The following RPS12 variants were observed in gnomAD, a reference collection of about 807,000 sequenced individuals.
RPS12 encodes the protein small ribosomal subunit protein eS12.
A neutral mutation model predicts 17.2 loss-of-function variants in RPS12; 1 was observed. The observed-to-expected ratio is 0.06, with a 90% CI of 0.02 to 0.28. RPS12 has a LOEUF of 0.28. Among genes scored for constraint, RPS12 ranks in the 10% least tolerant of loss-of-function variants. The pLI, the probability that RPS12 is intolerant of heterozygous loss-of-function variation, is 1.00. For missense variants in RPS12, 146 were observed against 162.1 expected (o/e 0.90, Z 0.54); for synonymous variants, 67 against 54.0 (o/e 1.24, Z -1.06).
Position 132,814,752 on chromosome 6 carries a change from A to C in RPS12, c.-17A>C, listed in dbSNP as rs549056528. 6 of 1,613,164 alleles carry C rather than the reference A, an allele frequency of 3.7e-6. No homozygotes were observed. The African/African-American group carries it at 8.0e-5, about 22-fold the overall frequency. On this transcript the variant is annotated 5_prime_UTR_variant, in exon 2 of 6. Coordinates refer to ENST00000230050, the MANE Select transcript of RPS12 (RefSeq NM_001016.4). ...TTTAGTGCGTTCAAGATTCAACTTC[A>C]CCCGTAACCCACCGCCATGGCCGAG...
chr6:132,814,755 C>A lies in RPS12; in HGVS notation c.-14C>A. ...AGTGCGTTCAAGATTCAACTTCACC[C>A]GTAACCCACCGCCATGGCCGAGGAA... On this transcript the variant is annotated 5_prime_UTR_variant, in exon 2 of 6. Coordinates refer to ENST00000230050, the MANE Select transcript of RPS12 (RefSeq NM_001016.4). 6.2e-7 allele frequency: 1 copy of A among 1,613,514 alleles called. No individual in the cohort carries two copies. Among genetic ancestry groups the A allele is most frequent in the Non-Finnish European group, 8.5e-7 (1 of 1,179,546 alleles).
At chr6:132,815,142 A>G in intron 3 of RPS12, 54 bp downstream of exon 3, 1 of 1,127,182 alleles carries the variant, frequency 8.9e-7, no homozygotes, top group South Asian at 1.2e-5. Flanking sequence ...CAAAACTGCC[A>G]CCCAAGGGAA....
intron 4 of RPS12, 28 bp downstream of exon 4, chr6:132,816,591 C>T (rs1223647026): frequency 2.1e-6 from 3 of 1,458,680 alleles, no homozygotes; most frequent in Admixed American, 1.7e-5. Context: ...TGTGTTGGGA[C>T]TAATGTTCAG....
intron 4 of RPS12, 78 bp from the exon 5 acceptor site, chr6:132,816,881 CT>C: frequency 1.0e-6 from 1 of 985,900 alleles, no homozygotes; most frequent in Non-Finnish European, 1.6e-6. Flanking sequence ...TTACAGCCAC[CT>C]TTTGGGTTTC....
At chr6:132,814,638 G>T (rs978765766) in intron 1 of RPS12, 25 bp downstream of exon 1, 7 of 1,079,512 alleles carry the variant, frequency 6.5e-6, no homozygotes, top group Admixed American at 3.4e-5. Context: ...GCGGCAGGGG[G>T]GTGTATTGGT....
Position 132,817,562 on chromosome 6 carries a change from A to G in RPS12, c.*20A>G. The G allele has an allele frequency of 6.3e-7, 1 of 1,599,718 alleles. No individual in the cohort carries two copies. The highest frequency in any genetic ancestry group is 1.3e-5 in the African/African-American group (1 of 74,698). On this transcript the variant is annotated 3_prime_UTR_variant, in exon 6 of 6. Coordinates refer to ENST00000230050, the MANE Select transcript of RPS12 (RefSeq NM_001016.4). ...AAATGAAGAAATAAATCTTTGGCTC[A>G]CATTCCTCATGTCTGGCTTTTTATT... is the stretch of plus-strand genomic sequence containing the variant.
rs1292384812 is a variant in RPS12 at position 132,816,144 on chromosome 6, T to G, written c.132-317T>G. 7 of 424,334 alleles carry G rather than the reference T, an allele frequency of 1.6e-5. No individual in the cohort carries two copies. The East Asian group carries it at 3.5e-4, about 21-fold the overall frequency. 26.3% of individuals were successfully genotyped at this position (424,334 alleles called of 1,614,324 possible). On this transcript the variant is annotated intron_variant, in intron 3 of 5. Transcript: ENST00000230050. Reference sequence around the variant, plus strand: ...CCATCGTGCCCGGCCTTTCACATGTTTCTTTAGGTATATGAAGCTGGCTTA... The same window carrying G: ...CCATCGTGCCCGGCCTTTCACATGTGTCTTTAGGTATATGAAGCTGGCTTA...
chr6:132,816,155 T>C (rs1171651218), intron 3 of RPS12: 2 of 452,452 alleles, frequency 4.4e-6, no homozygotes, highest in Admixed American at 7.1e-5. Context: ...TCTTTAGGTA[T>C]ATGAAGCTGG....
intron 3 of RPS12, 43 bp from the exon 4 acceptor site, chr6:132,816,418 G>T: frequency 6.9e-7 from 1 of 1,442,754 alleles, no homozygotes; most frequent in South Asian, 1.1e-5. Flanking sequence ...GATGGATTTG[G>T]ATCTGAGTTT....
intron 3 of RPS12, chr6:132,816,111 G>A (rs1342361568): frequency 5.3e-6 from 2 of 378,020 alleles, no homozygotes; most frequent in Non-Finnish European, 1.0e-5. Flanking sequence ...TGGGATTACA[G>A]GAGTGAGCCA....
chr6:132,815,656 GCA>G (rs1224714438), intron 3 of RPS12: 1 of 456,634 alleles, frequency 2.2e-6, no homozygotes, highest in Non-Finnish European at 4.4e-6. Context: ...GAATTTAAAT[GCA>G]GTTTTAAGGT....
intron 2 of RPS12, 32 bp downstream of exon 2, chr6:132,814,814 T>A: frequency 1.3e-6 from 2 of 1,599,686 alleles, no homozygotes; most frequent in Non-Finnish European, 1.7e-6. Context: ...GGAGTTGGGG[T>A]CGGGGTGCGG....
Position 132,814,720 on chromosome 6 carries a change from T to C in RPS12, c.-37-12T>C. 1 of 1,605,648 alleles carries C rather than the reference T, an allele frequency of 6.2e-7. No individual in the cohort carries two copies. The highest frequency in any genetic ancestry group is 8.5e-7 in the Non-Finnish European group (1 of 1,172,780). On this transcript the variant is annotated splice_polypyrimidine_tract_variant and intron_variant, in intron 1 of 5. Coordinates refer to ENST00000230050, the MANE Select transcript of RPS12 (RefSeq NM_001016.4). ...TCTGGTTCTTTAACAAGTCAATGCT[T>C]TTGTTTTTTAGTGCGTTCAAGATTC... is the stretch of plus-strand genomic sequence containing the variant.
chr6:132,816,506 T>C lies in RPS12; in HGVS notation c.177T>C (p.Pro59=). 1 of 1,607,480 alleles carries C rather than the reference T, an allele frequency of 6.2e-7. No homozygotes were observed. The highest frequency in any genetic ancestry group is 8.5e-7 in the Non-Finnish European group (1 of 1,179,660). Residue 59 remains proline (P), a synonymous_variant, in exon 4 of 6, where the codon CCT becomes CCC. Coordinates refer to ENST00000230050, the MANE Select transcript of RPS12 (RefSeq NM_001016.4). ...LCVLASNCDE[P]MYVKLVEALC... The stretch of plus-strand genomic sequence containing the variant: ...TGCTTGCATCCAACTGTGATGAGCC[T>C]ATGTATGTCAAGTTGGTGGAGGCCC...
chr6:132,815,913 T>C (rs753079702), intron 3 of RPS12: 7 of 453,274 alleles, frequency 1.5e-5, no homozygotes, highest in Non-Finnish European at 3.1e-5. Flanking sequence ...CGCGATCTCA[T>C]TGCAACCTCT....
At chr6:132,815,826 G>GT (rs751389386) in intron 3 of RPS12, 1 of 430,794 alleles carries the variant, frequency 2.3e-6, no homozygotes, top group South Asian at 1.7e-5. Context: ...TAATGCCACA[G>GT]TCTTTTTTTT....
chr6:132,816,023 G>A, intron 3 of RPS12: 1 of 415,264 alleles, frequency 2.4e-6, no homozygotes, highest in South Asian at 1.7e-5. Flanking sequence ...GTAGAAACGG[G>A]GTTTCGCCAT....
At chr6:132,817,198 AAAAT>A (rs774454623) in intron 5 of RPS12, 137 bp downstream of exon 5, 6 of 782,342 alleles carry the variant, frequency 7.7e-6, no homozygotes, top group Non-Finnish European at 1.4e-5. Context: ...TTTCAGGAAA[AAAAT>A]AAAAGCTGTA....
Position 132,814,761 on chromosome 6 carries a change from C to G in RPS12, c.-8C>G. 1 of 1,613,606 alleles carries G rather than the reference C, an allele frequency of 6.2e-7. No individual in the cohort carries two copies. Among genetic ancestry groups the G allele is most frequent in the Non-Finnish European group, 8.5e-7 (1 of 1,179,596 alleles). ...TTCAAGATTCAACTTCACCCGTAAC[C>G]CACCGCCATGGCCGAGGAAGGGTGA... On this transcript the variant is annotated 5_prime_UTR_variant, in exon 2 of 6. Coordinates refer to ENST00000230050, the MANE Select transcript of RPS12 (RefSeq NM_001016.4).
Sources: gnomAD v4.1 joint callset for allele counts on GRCh38, gnomAD v4.1.1 for gene constraint, MANE v1.5 for transcripts, NCBI Gene and HGNC (gene_info 2026-07-23, HGNC 2026-07-21) for gene names.